Variants in KLHL20 observed in about 807,000 individuals in gnomAD.
The protein encoded by KLHL20 is kelch-like protein 20.
A neutral mutation model predicts 69.5 loss-of-function variants in KLHL20; 29 were observed. The observed-to-expected ratio is 0.42, with a 90% CI of 0.31 to 0.57. KLHL20 has a LOEUF of 0.57. KLHL20 is among the 20% of genes least tolerant of loss of function. The probability of loss-of-function intolerance (pLI) is 0.18; values close to 1 mark genes in which losing one functional copy is unlikely to be tolerated. For synonymous variants in KLHL20, 253 were observed against 265.2 expected, an observed-to-expected ratio of 0.95 and a Z score of 0.45; for missense variants, 419 against 776.0, an observed-to-expected ratio of 0.54 and a Z score of 5.47.
chr1:173,752,644 T>C (rs1238626319), intron 4 of KLHL20, among the ~76,000 whole-genome samples: 1 of 152,208 alleles, frequency 6.6e-6, no homozygotes, highest in Admixed American at 6.5e-5. Flanking sequence ...TTCTTGTTAT[T>C]GTGATTATAG....
chr1:173,778,259 C>T (rs556600572), intron 10 of KLHL20, among the ~76,000 whole-genome samples: 3 of 151,980 alleles, frequency 2.0e-5, no homozygotes, highest in Non-Finnish European at 2.9e-5. Context: ...GTGTGTTCCC[C>T]GCCCTGTGTC....
In KLHL20 at chr1:173,751,843, G is replaced by A. The variant is rs775624285; in HGVS notation, c.677G>A (p.Arg226His). The A allele has an allele frequency of 8.7e-6, 14 of 1,614,010 alleles. No homozygotes were observed. The highest frequency in any genetic ancestry group is 2.2e-5 in the South Asian group (2 of 91,066). ...ATATCCAGTGATGAGCTAAACGTTC[G>A]CAGTGAAGAACAAGTGTTCAATGCA... ...DIISSDELNV[R>H]SEEQVFNAVM... Residue 226 changes from arginine to histidine, a missense_variant, in exon 4 of 12, where the codon CGC (arginine) becomes CAC (histidine). By Grantham distance (29) the Arg-to-His change is conservative. Around this residue, in one of 6 missense-constraint regions of KLHL20, gnomAD observed 99 missense variants for 240.7 expected, o/e 0.41. Transcript: ENST00000209884.
At chr1:173,740,820 C>G (rs575177685) in intron 3 of KLHL20, among the ~76,000 whole-genome samples, 20 of 151,848 alleles carry the variant, frequency 1.3e-4, no homozygotes, top group Admixed American at 7.2e-4. Context: ...TCTCATTTGC[C>G]CCCCCGGATT....
At position 173,741,969 on chromosome 1, in the gene KLHL20, T is replaced by C. The variant is rs1672827210; in HGVS notation, c.597+7683T>C. 5 of 706,732 alleles carry C rather than the reference T, an allele frequency of 7.1e-6. No homozygotes were observed. In the Admixed American group the frequency reaches 1.2e-4, roughly 17 times the overall value. 43.8% of individuals were successfully genotyped at this position (706,732 alleles called of 1,614,324 possible). ...CAAGATAAGTGGGAAACCATCTCGA[T>C]AAACACATTTTGGATAAAAAAAATT... On this transcript the variant is annotated intron_variant, in intron 3 of 11. Coordinates refer to ENST00000209884, the MANE Select transcript of KLHL20 (RefSeq NM_014458.4).
intron 5 of KLHL20, among the ~76,000 whole-genome samples, chr1:173,754,584 CAA>C (rs576521460): frequency 1.3e-4 from 8 of 60,566 alleles, no homozygotes; most frequent in Admixed American, 3.8e-4. Context: ...AACTCAGTCT[CAA>C]AAAAAAAAAA....
intron 5 of KLHL20, among the ~76,000 whole-genome samples, chr1:173,754,947 G>A (rs1571901452): frequency 6.6e-6 from 1 of 151,860 alleles, no homozygotes; most frequent in African/African-American, 2.4e-5. Flanking sequence ...AGCTGTAAGT[G>A]TTGTTACTAC....
At chr1:173,758,015 T>C (rs564009566) in intron 7 of KLHL20, among the ~76,000 whole-genome samples, 16 of 152,308 alleles carry the variant, frequency 1.1e-4, no homozygotes, top group African/African-American at 2.4e-4. Flanking sequence ...TCTAAAGATA[T>C]AGATTGTGCA....
At chr1:173,715,313 C>T (rs1373022610) in intron 1 of KLHL20, 1 of 152,322 alleles carries the variant, frequency 6.6e-6, no homozygotes, top group Non-Finnish European at 1.5e-5. Flanking sequence ...GGGCTTTGTC[C>T]TGCCTGGTGG....
chr1:173,753,319 C>T lies in KLHL20; in HGVS notation c.851+12C>T. 1.9e-6 allele frequency: 3 copies of T among 1,594,886 alleles called. No homozygotes were observed. Among genetic ancestry groups the T allele is most frequent in the South Asian group, 2.2e-5 (2 of 90,582 alleles). On this transcript the variant is annotated intron_variant, in intron 5 of 11. Transcript: ENST00000209884. ...GATGAAGAATGCAGGTATGAGTGAC[C>T]CTGGATGGGAAAAATCAACAACTAA...
Position 173,766,153 on chromosome 1 carries a change from C to G in KLHL20, c.1159C>G (p.Pro387Ala). 1.2e-6 allele frequency: 2 copies of G among 1,601,940 alleles called. No homozygotes were observed. The highest frequency in any genetic ancestry group is 2.3e-5 in the East Asian group (1 of 44,138). The change falls in exon 8 of 12, where the codon CCC (proline) becomes GCC (alanine). Residue 387 changes from proline to alanine, a missense_variant. Around this residue, in one of 6 missense-constraint regions of KLHL20, gnomAD observed 32 missense variants for 98.9 expected, o/e 0.32. Coordinates refer to ENST00000209884, the MANE Select transcript of KLHL20 (RefSeq NM_014458.4). ...TTGGTATGTTCTTTTCAGGTATGAC[C>G]CCAAAACAAACCAGTGGAGCAGTGA... Reference protein sequence around the residue: ...SYLNSVERYDPKTNQWSSDVA... With the variant: ...SYLNSVERYDAKTNQWSSDVA...
chr1:173,741,635 A>G, intron 3 of KLHL20: 1 of 489,042 alleles, frequency 2.0e-6, no homozygotes, highest in Non-Finnish European at 3.3e-6. Flanking sequence ...AAATATCTGT[A>G]AATCGTCCTT....
At chr1:173,735,745 C>G (rs1341830468) in intron 3 of KLHL20, among the ~76,000 whole-genome samples, 1 of 152,032 alleles carries the variant, frequency 6.6e-6, no homozygotes, top group African/African-American at 2.4e-5. Context: ...TTTTATCTCT[C>G]ACCCACCTCC....
intron 7 of KLHL20, among the ~76,000 whole-genome samples, chr1:173,757,664 C>CAA (rs906943946): frequency 6.8e-5 from 4 of 59,032 alleles, no homozygotes; most frequent in Non-Finnish European, 1.0e-4. Flanking sequence ...GACTCCTTCT[C>CAA]AAAAAAAAAA....
chr1:173,746,962 A>G (rs1172405592), intron 3 of KLHL20, among the ~76,000 whole-genome samples: 1 of 151,880 alleles, frequency 6.6e-6, no homozygotes, highest in Admixed American at 6.6e-5. Flanking sequence ...ATATTTCTGT[A>G]ACTCAAAAGC....
chr1:173,760,621 CATCGTATGTGAACGA>C (rs750580487), intron 7 of KLHL20, among the ~76,000 whole-genome samples: 4 of 152,204 alleles, frequency 2.6e-5, no homozygotes, highest in Non-Finnish European at 5.9e-5. Context: ...TGAAACTAAG[CATCGTATGTGAACGA>C]AAGATAAGCC....
rs552991417 is a variant in KLHL20, at chr1:173,733,877, A to G, written c.188A>G (p.Lys63Arg). ...TTGGAAGTGATTAACCTTCTGAGAAAGCACCGGGAGCTATGTGATGTGGTG... is the reference window on the plus strand; with the variant it reads ...TTGGAAGTGATTAACCTTCTGAGAAGGCACCGGGAGCTATGTGATGTGGTG... ...QTLEVINLLR[K>R]HRELCDVVLV... The change falls in exon 3 of 12, where the codon AAG (lysine) becomes AGG (arginine). Residue 63 changes from lysine (K) to arginine (R), a missense_variant. Transcript: ENST00000209884. 5 of 1,614,166 alleles carry G rather than the reference A, an allele frequency of 3.1e-6. No individual in the cohort carries two copies. The highest frequency in any genetic ancestry group is 2.2e-5 in the East Asian group (1 of 44,868).
chr1:173,773,476 G>A (rs1648243198), intron 8 of KLHL20, among the ~76,000 whole-genome samples: 1 of 150,902 alleles, frequency 6.6e-6, no homozygotes, highest in Non-Finnish European at 1.5e-5. Flanking sequence ...TAAATGTAAT[G>A]TTAAGTAAGA....
intron 3 of KLHL20, among the ~76,000 whole-genome samples, chr1:173,746,189 C>T (rs973288687): frequency 5.3e-5 from 8 of 152,052 alleles, no homozygotes; most frequent in South Asian, 2.1e-4. Flanking sequence ...AGAATCTATT[C>T]GCTAATATTC....
At chr1:173,722,451 G>A (rs1671754246) in intron 2 of KLHL20, among the ~76,000 whole-genome samples, 1 of 151,772 alleles carries the variant, frequency 6.6e-6, no homozygotes, top group Admixed American at 6.6e-5. Flanking sequence ...GAGAGTCTTT[G>A]TCTCTACCAA....
Sources: gnomAD v4.1 joint callset for allele counts (sites outside exome capture counted in the v4.1 genomes callset) on GRCh38, gnomAD v4.1.1 for gene constraint, gnomAD v4.1.1 regional missense constraint, MANE v1.5 for transcripts, NCBI Gene and HGNC (gene_info 2026-07-23, HGNC 2026-07-21) for gene names.